Variants in VPS13B observed in about 807,000 individuals in gnomAD.
VPS13B encodes the protein vacuolar protein sorting 13 homolog B, also known as intermembrane lipid transfer protein VPS13B.
A neutral mutation model predicts 426.4 loss-of-function variants in VPS13B; 285 were observed. The ratio of observed to expected loss-of-function variants is 0.67; its 90% CI spans 0.61 to 0.74. The LOEUF is 0.74. Among genes scored for constraint, VPS13B ranks in the 30% least tolerant of loss-of-function variants. The pLI, the probability that VPS13B is intolerant of heterozygous loss-of-function variation, is 0.00. For synonymous variants in VPS13B, 1,676 were observed against 1,676.4 expected (o/e 1.00, Z 0.01); for missense variants, 4,537 against 4,782.6 (o/e 0.95, Z 1.51).
At chr8:99,237,864 TG>T in intron 17 of VPS13B, among the ~76,000 whole-genome samples, 1 of 79,598 alleles carries the variant, frequency 1.3e-5, no homozygotes, top group East Asian at 2.6e-4. Context: ...TTGTGCAGGT[TG>T]GGGTTATTTT....
intron 17 of VPS13B, among the ~76,000 whole-genome samples, chr8:99,202,120 A>G (rs1290607531): frequency 6.6e-6 from 1 of 152,250 alleles, no homozygotes; most frequent in African/African-American, 2.4e-5. Context: ...TGAGATAACA[A>G]CAGTCAGAAT....
At position 99,186,301 on chromosome 8, in the gene VPS13B, A is replaced by G. The variant is rs576491544; in HGVS notation, c.2334-6575A>G. ...TTTTGTTTTAAGTAAAGTTTAATAA[A>G]TATGTAGTAGTCTAAATCACAAGGA... On this transcript the variant is annotated intron_variant, in intron 16 of 61. Coordinates refer to ENST00000357162, the MANE Select transcript of VPS13B (RefSeq NM_152564.5). Among the ~76,000 whole-genome samples the G allele has an allele frequency of 1.4e-4, 22 of 152,226 alleles. No homozygotes were observed. The East Asian group carries it at 3.7e-3, about 25-fold the overall frequency.
chr8:99,358,236 T>A (rs1812297678), intron 19 of VPS13B, among the ~76,000 whole-genome samples: 1 of 152,206 alleles, frequency 6.6e-6, no homozygotes, highest in Non-Finnish European at 1.5e-5. Context: ...CTCCATGTTT[T>A]TCTAAGAGTC....
At chr8:99,303,179 C>T (rs1162941053) in intron 19 of VPS13B, among the ~76,000 whole-genome samples, 2 of 134,966 alleles carry the variant, frequency 1.5e-5, no homozygotes, top group Non-Finnish European at 3.1e-5. Flanking sequence ...ACTTGGGAGG[C>T]TGAGGCAGGA....
At position 99,556,552 on chromosome 8, in the gene VPS13B, G is replaced by C. The variant is rs180177360; in HGVS notation, c.4848G>C (p.Trp1616Cys). The C allele has an allele frequency of 6.2e-7, 1 of 1,613,126 alleles. No homozygotes were observed. The highest frequency in any genetic ancestry group is 8.5e-7 in the Non-Finnish European group (1 of 1,179,550). ...LQSINIGTAQ[W>C]HQLKPEKESV... ...CCATCAATATTGGTACTGCACAGTG[G>C]CATCAACTAAAACCAGAGAAGGAAA... The change falls in exon 31 of 62, where the codon TGG becomes TGC. Residue 1616 changes from tryptophan to cysteine, a missense_variant. Around this residue, in one of 2 missense-constraint regions of VPS13B, gnomAD observed 4,311 missense variants for 4,474.3 expected, o/e 0.96. Coordinates refer to ENST00000357162, the MANE Select transcript of VPS13B (RefSeq NM_152564.5).
chr8:99,402,028 A>C (rs1815065907), intron 21 of VPS13B, among the ~76,000 whole-genome samples: 1 of 152,124 alleles, frequency 6.6e-6, no homozygotes, highest in Non-Finnish European at 1.5e-5. Context: ...TTTGGAGAAT[A>C]CTGTTGTGTT....
intron 22 of VPS13B, 60 bp from the exon 23 acceptor site, chr8:99,442,341 A>T: frequency 7.1e-7 from 1 of 1,401,930 alleles, no homozygotes; most frequent in Non-Finnish European, 1.0e-6. Flanking sequence ...CGAAGATGTT[A>T]GGTGTTTGAA....
intron 33 of VPS13B, among the ~76,000 whole-genome samples, chr8:99,581,679 TTG>T (rs1826065722): frequency 1.3e-5 from 2 of 152,212 alleles, no homozygotes; most frequent in African/African-American, 4.8e-5. Context: ...AGCATTTTCT[TTG>T]AGAGTCATGT....
intron 17 of VPS13B, among the ~76,000 whole-genome samples, chr8:99,209,332 A>G (rs987840465): frequency 6.6e-6 from 1 of 151,910 alleles, no homozygotes; most frequent in African/African-American, 2.4e-5. Context: ...GTAATATACT[A>G]CACAATTCCA....
At chr8:99,076,001 T>C (rs906190831) in intron 3 of VPS13B, among the ~76,000 whole-genome samples, 2 of 152,216 alleles carry the variant, frequency 1.3e-5, no homozygotes, top group Non-Finnish European at 2.9e-5. Context: ...CATTTATTGC[T>C]ATAAACTTTC....
At chr8:99,606,297 A>C (rs1343894327) in intron 33 of VPS13B, among the ~76,000 whole-genome samples, 1 of 152,050 alleles carries the variant, frequency 6.6e-6, no homozygotes, top group African/African-American at 2.4e-5. Flanking sequence ...GCTGCTATAG[A>C]AATTATCACA....
rs112065243 is a variant in VPS13B, at chr8:99,191,040, G to GT, written c.2334-1826dup. On this transcript the variant is annotated intron_variant, in intron 16 of 61. Coordinates refer to ENST00000357162, the MANE Select transcript of VPS13B (RefSeq NM_152564.5). ...AGCTCTTTTGCTAACATTTTTGAAA[G>GT]TTTTTTTTTTCCTGAATTTTGGATT... Among the ~76,000 whole-genome samples the GT allele has an allele frequency of 1.0e-3, 156 of 148,738 alleles. 1 individual carries two copies. The highest frequency in any genetic ancestry group is 4.3e-4 in the South Asian group (2 of 4,692).
chr8:99,180,558 G>A (rs1020645172), intron 16 of VPS13B, among the ~76,000 whole-genome samples: 5 of 152,138 alleles, frequency 3.3e-5, no homozygotes, highest in African/African-American at 1.2e-4. Context: ...GAGTTTATTT[G>A]TCTAAAATGG....
chr8:99,277,361 C>T (rs776445004), intron 19 of VPS13B, among the ~76,000 whole-genome samples: 15 of 152,136 alleles, frequency 9.9e-5, no homozygotes, highest in Non-Finnish European at 1.3e-4. Flanking sequence ...CTTACAACTG[C>T]CACCCACATT....
chr8:99,723,093 G>A (rs907170226), intron 39 of VPS13B, among the ~76,000 whole-genome samples: 4 of 152,180 alleles, frequency 2.6e-5, no homozygotes, highest in African/African-American at 9.7e-5. Context: ...ATGAACTATA[G>A]CCAGAATGCC....
At chr8:99,372,009 T>C (rs1340057654) in intron 19 of VPS13B, among the ~76,000 whole-genome samples, 2 of 152,056 alleles carry the variant, frequency 1.3e-5, no homozygotes, top group Admixed American at 6.6e-5. Flanking sequence ...CCCAGCACTT[T>C]GGGAGGCCGA....
At chr8:99,078,575 C>T (rs1191105213) in intron 3 of VPS13B, among the ~76,000 whole-genome samples, 9 of 151,968 alleles carry the variant, frequency 5.9e-5, no homozygotes, top group Non-Finnish European at 1.3e-4. Context: ...CATGACAGTC[C>T]TTGGTGCCCT....
chr8:99,281,673 C>A (rs948171911), intron 19 of VPS13B, among the ~76,000 whole-genome samples: 1 of 152,204 alleles, frequency 6.6e-6, no homozygotes, highest in African/African-American at 2.4e-5. Context: ...AAGTCCTTAT[C>A]TGTGACTTGG....
intron 35 of VPS13B, among the ~76,000 whole-genome samples, chr8:99,689,818 C>A (rs752384624): frequency 1.3e-5 from 2 of 152,146 alleles, no homozygotes; most frequent in Non-Finnish European, 2.9e-5. Context: ...GAAAATGGAT[C>A]CCTTAGGTTC....
Sources: allele counts gnomAD v4.1 joint callset (sites outside exome capture counted in the v4.1 genomes callset), GRCh38; gene constraint gnomAD v4.1.1; regional missense constraint gnomAD v4.1.1; transcripts MANE v1.5; gene names NCBI Gene and HGNC (gene_info 2026-07-23, HGNC 2026-07-21).